The following MAP3K1 variants were observed in gnomAD, a reference collection of about 807,000 sequenced individuals.
MAP3K1 encodes MAP/ERK kinase kinase 1.
Under a neutral mutation model 144.2 loss-of-function variants are expected in MAP3K1, and 36 were observed. The ratio of observed to expected loss-of-function variants is 0.25; its 90% confidence interval spans 0.19 to 0.33. The LOEUF is 0.33. Among genes scored for constraint, MAP3K1 ranks in the 10% least tolerant of loss-of-function variants. The probability of loss-of-function intolerance (pLI) is 1.00; values close to 1 mark genes in which losing one functional copy is unlikely to be tolerated. For synonymous variants in MAP3K1, 718 were observed against 688.7 expected (o/e 1.04, Z -0.67); for missense variants, 1,650 against 1,881.9 (o/e 0.88, Z 2.28).
intron 1 of MAP3K1, among the ~76,000 whole-genome samples, chr5:56,825,779 C>CA (rs1305029755): frequency 6.6e-6 from 1 of 152,184 alleles, no homozygotes. Flanking sequence ...ACTGCTAACC[C>CA]AGGGTCAGGC....
intron 1 of MAP3K1, among the ~76,000 whole-genome samples, chr5:56,842,594 A>C (rs1746847657): frequency 6.6e-6 from 1 of 152,224 alleles, no homozygotes. Context: ...CATTGCAAGT[A>C]CTTCATCCAT....
chr5:56,877,441 AG>A (rs1381491211), intron 10 of MAP3K1, among the ~76,000 whole-genome samples: 1 of 151,958 alleles, frequency 6.6e-6, no homozygotes, highest in Non-Finnish European at 1.5e-5. Context: ...CCTGCTGTTA[AG>A]GCTCACCCTT....
chr5:56,818,157 T>A (rs1280913376), intron 1 of MAP3K1, among the ~76,000 whole-genome samples: 1 of 152,174 alleles, frequency 6.6e-6, no homozygotes, highest in Non-Finnish European at 1.5e-5. Flanking sequence ...TATAGTGAAT[T>A]TTTTTTTCTT....
chr5:56,848,383 C>T (rs1395112799), intron 1 of MAP3K1, among the ~76,000 whole-genome samples: 3 of 152,146 alleles, frequency 2.0e-5, no homozygotes, highest in Non-Finnish European at 4.4e-5. Flanking sequence ...GGTGTAACAT[C>T]TGCATGGTGT....
At chr5:56,824,687 T>C (rs554297415) in intron 1 of MAP3K1, among the ~76,000 whole-genome samples, 2 of 152,358 alleles carry the variant, frequency 1.3e-5, no homozygotes, top group South Asian at 4.1e-4. Flanking sequence ...GAAAGTGTCT[T>C]GATCTTTGAA....
intron 1 of MAP3K1, among the ~76,000 whole-genome samples, chr5:56,837,431 G>C (rs1414907215): frequency 6.6e-6 from 1 of 152,044 alleles, no homozygotes; most frequent in Non-Finnish European, 1.5e-5. Flanking sequence ...TTTTTCCCAA[G>C]AGTGGTGTGG....
At chr5:56,869,122 T>C (rs993857195) in intron 6 of MAP3K1, among the ~76,000 whole-genome samples, 5 of 151,442 alleles carry the variant, frequency 3.3e-5, no homozygotes, top group African/African-American at 1.2e-4. Context: ...AAAGAAAAAT[T>C]AGCCAGGCAT....
At chr5:56,840,122 A>G (rs561574897) in intron 1 of MAP3K1, among the ~76,000 whole-genome samples, 3 of 152,228 alleles carry the variant, frequency 2.0e-5, no homozygotes, top group Non-Finnish European at 2.9e-5. Flanking sequence ...TACTCATGTT[A>G]CTTAAATAAG....
At chr5:56,852,348 T>G (rs1747200956) in intron 1 of MAP3K1, among the ~76,000 whole-genome samples, 1 of 152,196 alleles carries the variant, frequency 6.6e-6, no homozygotes, top group Admixed American at 6.5e-5. Context: ...GACTACAGTT[T>G]CCCTGAGAAG....
rs1748684392 is a variant in MAP3K1, at chr5:56,895,754, G to C, written c.*2074G>C. 3 of 231,924 alleles carry C rather than the reference G, an allele frequency of 1.3e-5. No individual in the cohort carries two copies. The highest frequency in any genetic ancestry group is 1.1e-4 in the Admixed American group (2 of 17,736). The allele number at this position is 231,924 out of a possible 1,614,324, so 14.4% of individuals were successfully genotyped here. The stretch of plus-strand genomic sequence containing the variant: ...AAAGCTGGACTGGAAATTGTATCGT[G>C]TAATTATTTTTGTGTTCTTAATGTT... On this transcript the variant is annotated 3_prime_UTR_variant, in exon 20 of 20. Coordinates refer to ENST00000399503, the MANE Select transcript of MAP3K1 (RefSeq NM_005921.2).
At chr5:56,839,774 G>A (rs908275573) in intron 1 of MAP3K1, among the ~76,000 whole-genome samples, 8 of 152,184 alleles carry the variant, frequency 5.3e-5, no homozygotes, top group Non-Finnish European at 8.8e-5. Context: ...GAGAATGTGG[G>A]TGTTTGTTAA....
At chr5:56,838,431 TAGTG>T (rs1473623137) in intron 1 of MAP3K1, among the ~76,000 whole-genome samples, 1 of 152,222 alleles carries the variant, frequency 6.6e-6, no homozygotes, top group Non-Finnish European at 1.5e-5. Context: ...GCTTTTGCTA[TAGTG>T]AAAAGAAATT....
chr5:56,866,065 C>T (rs541706462), intron 6 of MAP3K1, 88 bp downstream of exon 6: 1 of 1,092,034 alleles, frequency 9.2e-7, no homozygotes, highest in East Asian at 2.4e-5. Context: ...TTAAGTTGCT[C>T]TAAAATGATT....
chr5:56,883,822 T>A, intron 15 of MAP3K1, 143 bp downstream of exon 15: 1 of 916,308 alleles, frequency 1.1e-6, no homozygotes, highest in Non-Finnish European at 1.7e-6. Flanking sequence ...TAGATGTTTC[T>A]AAAGCACCAG....
intron 1 of MAP3K1, among the ~76,000 whole-genome samples, chr5:56,824,446 G>T (rs895734812): frequency 6.6e-6 from 1 of 152,168 alleles, no homozygotes; most frequent in Non-Finnish European, 1.5e-5. Context: ...AAGGGGTGGC[G>T]GTGTGAGTCC....
chr5:56,881,292 T>C lies in MAP3K1; in HGVS notation c.2369+20T>C. 6.3e-7 allele frequency: 1 copy of C among 1,590,112 alleles called. No individual in the cohort carries two copies. The highest frequency in any genetic ancestry group is 8.6e-7 in the Non-Finnish European group (1 of 1,160,272). On this transcript the variant is annotated intron_variant, in intron 13 of 19. Coordinates refer to ENST00000399503, the MANE Select transcript of MAP3K1 (RefSeq NM_005921.2). The stretch of plus-strand genomic sequence containing the variant: ...AATCAGGTAATTTTTCTTCTGAAAA[T>C]GTATTACTTGTATCTTCCTACCCTC...
intron 1 of MAP3K1, among the ~76,000 whole-genome samples, chr5:56,844,200 T>C (rs1411410545): frequency 4.3e-5 from 6 of 139,994 alleles, no homozygotes; most frequent in Non-Finnish European, 9.3e-5. Context: ...TTTTTTTTTT[T>C]TTTTTTTGAG....
At chr5:56,873,758 T>G (rs939850466) in intron 9 of MAP3K1, among the ~76,000 whole-genome samples, 1 of 152,206 alleles carries the variant, frequency 6.6e-6, no homozygotes, top group Non-Finnish European at 1.5e-5. Flanking sequence ...TTATATATCA[T>G]TAGGATTTGT....
Position 56,875,136 on chromosome 5 carries a change from G to T in MAP3K1, c.1791G>T (p.Leu597Phe). 1 of 1,614,182 alleles carries T rather than the reference G, an allele frequency of 6.2e-7. No homozygotes were observed. Among genetic ancestry groups the T allele is most frequent in the South Asian group, 1.1e-5 (1 of 91,086 alleles). The change falls in exon 10 of 20, where the codon TTG becomes TTT. Residue 597 changes from leucine to phenylalanine, a missense_variant. This residue lies in a region of MAP3K1 where 841 missense variants were observed against 886.5 expected (regional missense o/e 0.95). Coordinates refer to ENST00000399503, the MANE Select transcript of MAP3K1 (RefSeq NM_005921.2). ...LSHDVSGALL[L>F]ANGESTGNSG... The stretch of plus-strand genomic sequence containing the variant: ...ATGATGTCAGTGGGGCCCTGCTGTT[G>T]GCAAATGGGGAGAGCACTGGAAATT...
Sources: gnomAD v4.1 joint callset for allele counts (sites outside exome capture counted in the v4.1 genomes callset) on GRCh38, gnomAD v4.1.1 for gene constraint, gnomAD v4.1.1 regional missense constraint, MANE v1.5 for transcripts, NCBI Gene and HGNC (gene_info 2026-07-23, HGNC 2026-07-21) for gene names.